Variants in SMYD3 observed in about 807,000 individuals in gnomAD.
SMYD3 encodes histone-lysine N-methyltransferase SMYD3.
A neutral mutation model predicts 57.7 loss-of-function variants in SMYD3; 36 were observed. The observed-to-expected ratio is 0.62, with a 90% CI of 0.48 to 0.82. The LOEUF (loss-of-function observed/expected upper bound fraction) is 0.82, where lower values mean the gene tolerates loss of function less well. SMYD3 is among the 40% of genes least tolerant of loss of function. The pLI is 0.00. For synonymous variants in SMYD3, 211 were observed against 195.0 expected, an observed-to-expected ratio of 1.08 and a Z score of -0.68; for missense variants, 515 against 538.8, an observed-to-expected ratio of 0.96 and a Z score of 0.44.
At chr1:245,805,224 G>A (rs1319464911) in intron 10 of SMYD3, among the ~76,000 whole-genome samples, 1 of 151,862 alleles carries the variant, frequency 6.6e-6, no homozygotes, top group African/African-American at 2.4e-5. Flanking sequence ...GAGAAGGGAA[G>A]AATCAGGCTA....
At chr1:246,504,852 A>T (rs1007678958) in intron 1 of SMYD3, among the ~76,000 whole-genome samples, 2 of 152,272 alleles carry the variant, frequency 1.3e-5, no homozygotes, top group Admixed American at 6.5e-5. Flanking sequence ...TTTACTTACA[A>T]GATGACAAGT....
intron 1 of SMYD3, among the ~76,000 whole-genome samples, chr1:246,441,616 GT>G (rs936421171): frequency 5.9e-5 from 9 of 152,068 alleles, no homozygotes; most frequent in African/African-American, 1.9e-4. Context: ...TTCTTTCTTT[GT>G]TTTTTCCCCC....
intron 5 of SMYD3, among the ~76,000 whole-genome samples, chr1:246,076,711 CT>C (rs1361589393): frequency 1.3e-5 from 2 of 150,088 alleles, no homozygotes; most frequent in East Asian, 3.9e-4. Context: ...ATTCTCTTCC[CT>C]TTGGATGAGA....
At chr1:246,418,665 G>T (rs1004892794) in intron 1 of SMYD3, among the ~76,000 whole-genome samples, 1 of 152,140 alleles carries the variant, frequency 6.6e-6, no homozygotes, top group Non-Finnish European at 1.5e-5. Context: ...CTCAGCAGAT[G>T]GGGGAGCCAG....
intron 5 of SMYD3, among the ~76,000 whole-genome samples, chr1:246,085,759 T>TTTCTA (rs1450660089): frequency 6.6e-6 from 1 of 152,116 alleles, no homozygotes; most frequent in Non-Finnish European, 1.5e-5. Flanking sequence ...CTTGAATAAA[T>TTTCTA]TTCTAATAAA....
At chr1:246,200,272 C>T (rs113849187) in intron 5 of SMYD3, among the ~76,000 whole-genome samples, 56 of 150,098 alleles carry the variant, frequency 3.7e-4, no homozygotes, top group South Asian at 4.3e-4. Context: ...ACAGTGTAGA[C>T]GCTGAGCGAG....
chr1:245,765,045 T>TGC (rs144137711), intron 10 of SMYD3, among the ~76,000 whole-genome samples: 4,751 of 131,638 alleles, frequency 0.036, 166 homozygotes, highest in Admixed American at 0.074. Context: ...TGGAAATGCC[T>TGC]ACACACACAC....
intron 5 of SMYD3, among the ~76,000 whole-genome samples, chr1:246,281,715 T>C (rs917641564): frequency 5.3e-5 from 8 of 152,276 alleles, no homozygotes; most frequent in Admixed American, 2.6e-4. Context: ...GGGCATAACC[T>C]ATGCTTAGGC....
chr1:245,861,948 C>T (rs1300257663), intron 9 of SMYD3, among the ~76,000 whole-genome samples: 1 of 152,158 alleles, frequency 6.6e-6, no homozygotes, highest in Non-Finnish European at 1.5e-5. Context: ...TTCAGTAAAA[C>T]CTTGTCCAGT....
chr1:246,247,013 A>G lies in SMYD3; in HGVS notation c.531+80188T>C, dbSNP rs141156903. ...ATACGAAGATACACATCAAACTACTAAATCAACTAAGACTAAATGCTCTTT... is the reference window on the plus strand; with the variant it reads ...ATACGAAGATACACATCAAACTACTGAATCAACTAAGACTAAATGCTCTTT... On this transcript the variant is annotated intron_variant, in intron 5 of 11. Transcript: ENST00000490107. Among the ~76,000 whole-genome samples the G allele has an allele frequency of 7.2e-4, 109 of 152,322 alleles. No individual in the cohort carries two copies. The East Asian group carries it at 0.015, about 21-fold the overall frequency.
intron 10 of SMYD3, among the ~76,000 whole-genome samples, chr1:245,857,463 G>A (rs1282911120): frequency 4.1e-5 from 2 of 48,708 alleles, no homozygotes; most frequent in East Asian, 2.7e-4. Context: ...GGACTCTCAC[G>A]TTTCCACCTG....
chr1:246,466,280 T>C (rs564989931), intron 1 of SMYD3, among the ~76,000 whole-genome samples: 1 of 152,330 alleles, frequency 6.6e-6, no homozygotes, highest in East Asian at 1.9e-4. Flanking sequence ...AAAGCTGAAA[T>C]GCCCATCAAT....
chr1:246,451,134 G>A (rs1178040491), intron 1 of SMYD3, among the ~76,000 whole-genome samples: 2 of 152,220 alleles, frequency 1.3e-5, no homozygotes, highest in African/African-American at 4.8e-5. Flanking sequence ...GATCACTGCT[G>A]TCTCCTCAGG....
intron 3 of SMYD3, 106 bp downstream of exon 3, chr1:246,335,261 G>T: frequency 2.0e-6 from 2 of 976,942 alleles, no homozygotes; most frequent in Non-Finnish European, 3.1e-6. Context: ...CTTTATTGTG[G>T]TAGTCTGAAA....
intron 5 of SMYD3, among the ~76,000 whole-genome samples, chr1:246,185,286 G>A (rs1572173833): frequency 1.3e-5 from 2 of 152,150 alleles, no homozygotes; most frequent in East Asian, 3.9e-4. Flanking sequence ...CCCCCAGGCT[G>A]GAGTGCAGTG....
At chr1:246,014,072 C>T (rs1210962439) in intron 5 of SMYD3, among the ~76,000 whole-genome samples, 2 of 152,224 alleles carry the variant, frequency 1.3e-5, no homozygotes, top group African/African-American at 4.8e-5. Context: ...CGCCTGTAAT[C>T]CCAACACTTT....
At chr1:245,892,466 T>A (rs1048207995) in intron 8 of SMYD3, among the ~76,000 whole-genome samples, 2 of 152,192 alleles carry the variant, frequency 1.3e-5, no homozygotes, top group African/African-American at 4.8e-5. Context: ...AAAGGGTTGG[T>A]CAACAGCAGA....
chr1:246,287,710 C>A lies in SMYD3; in HGVS notation c.531+39491G>T, dbSNP rs114635110. ...CTCTGTTTTGGCCAGGGGCATCCATCTGCCTACGGGATATTCAGGTTTATG... is the reference window on the plus strand; with the variant it reads ...CTCTGTTTTGGCCAGGGGCATCCATATGCCTACGGGATATTCAGGTTTATG... On this transcript the variant is annotated intron_variant, in intron 5 of 11. Transcript: ENST00000490107. 4.5e-3 allele frequency among the ~76,000 whole-genome samples: 681 copies of A among 152,284 alleles called. 3 individuals are homozygous for A. The highest frequency in any genetic ancestry group is 0.015 in the African/African-American group (606 of 41,546).
At position 245,951,824 on chromosome 1, in the gene SMYD3, T is replaced by C. The variant is rs993077744; in HGVS notation, c.532-21887A>G. On this transcript the variant is annotated intron_variant, in intron 5 of 11. Coordinates refer to ENST00000490107, the MANE Select transcript of SMYD3 (RefSeq NM_001167740.2). ...CTCCTTTTCTTGAGTTATATACAGATTTAATTAGTTATTTCTAATAAAAAA... is the reference window on the plus strand; with the variant it reads ...CTCCTTTTCTTGAGTTATATACAGACTTAATTAGTTATTTCTAATAAAAAA... Among the ~76,000 whole-genome samples, 6 of 152,224 alleles carry C rather than the reference T, an allele frequency of 3.9e-5. No individual in the cohort carries two copies. In the South Asian group the frequency reaches 8.3e-4, roughly 21 times the overall value.
Sources: allele counts gnomAD v4.1 joint callset (sites outside exome capture counted in the v4.1 genomes callset), GRCh38; gene constraint gnomAD v4.1.1; transcripts MANE v1.5; gene names NCBI Gene and HGNC (gene_info 2026-07-23, HGNC 2026-07-21).